The following TMEM196 variants were observed in gnomAD, a reference collection of about 807,000 sequenced individuals.
TMEM196 encodes transmembrane protein 196.
Under a neutral mutation model 20.0 loss-of-function variants are expected in TMEM196, and 17 were observed. The observed-to-expected ratio is 0.85, with a 90% CI of 0.58 to 1.27. The LOEUF is 1.27. TMEM196 is among the 50% of genes most tolerant of loss of function. TMEM196 has a pLI of 0.00. For synonymous variants in TMEM196, 113 were observed against 88.9 expected, an observed-to-expected ratio of 1.27 and a Z score of -1.52; for missense variants, 267 against 223.0, an observed-to-expected ratio of 1.20 and a Z score of -1.26.
Position 19,724,294 on chromosome 7 carries a change from T to C in TMEM196, c.519A>G (p.Pro173=). Residue 173 remains proline, a synonymous_variant, in exon 4 of 5, where the codon CCA becomes CCG. Coordinates refer to ENST00000405844, the MANE Select transcript of TMEM196 (RefSeq NM_001363562.2). ...AATCAGCGTACCTTGTAGGTAACTC[T>C]GGTGTCGGGGGCACCACCGGGCAGC... ...LPSCPVVPPT[P]ELPTRK 1 of 1,550,432 alleles carries C rather than the reference T, an allele frequency of 6.4e-7. No individual in the cohort carries two copies. Among genetic ancestry groups the C allele is most frequent in the Non-Finnish European group, 8.7e-7 (1 of 1,146,860 alleles).
chr7:19,732,152 C>G (rs1300097569), intron 1 of TMEM196, among the ~76,000 whole-genome samples: 1 of 152,076 alleles, frequency 6.6e-6, no homozygotes, highest in African/African-American at 2.4e-5. Flanking sequence ...TTAATTAATC[C>G]CTCGAAGTTT....
At chr7:19,733,509 G>A (rs1276741664) in intron 1 of TMEM196, among the ~76,000 whole-genome samples, 2 of 152,146 alleles carry the variant, frequency 1.3e-5, no homozygotes, top group Non-Finnish European at 2.9e-5. Flanking sequence ...TGTTGAGGGA[G>A]GTGTAAAGCC....
intron 4 of TMEM196, among the ~76,000 whole-genome samples, chr7:19,723,172 A>T (rs1409135042): frequency 6.6e-6 from 1 of 152,166 alleles, no homozygotes; most frequent in Non-Finnish European, 1.5e-5. Context: ...AAAATATATT[A>T]GGGTTATGTG....
At chr7:19,772,521 G>A (rs1329583282) in intron 1 of TMEM196, 29 bp downstream of exon 1, 5 of 1,514,742 alleles carry the variant, frequency 3.3e-6, no homozygotes, top group Non-Finnish European at 4.4e-6. Context: ...GAGTGAAATG[G>A]CTCAACGTAC....
chr7:19,728,283 T>C (rs1231528701), intron 2 of TMEM196, among the ~76,000 whole-genome samples: 2 of 152,240 alleles, frequency 1.3e-5, no homozygotes, highest in East Asian at 1.9e-4. Flanking sequence ...TGTTCCTACA[T>C]AGTCATAAAG....
At chr7:19,734,375 C>T (rs746402284) in intron 1 of TMEM196, among the ~76,000 whole-genome samples, 4 of 152,192 alleles carry the variant, frequency 2.6e-5, no homozygotes, top group Non-Finnish European at 4.4e-5. Context: ...AATTATGGCC[C>T]TCCAAATATG....
At chr7:19,759,386 C>T (rs1211863071) in intron 1 of TMEM196, among the ~76,000 whole-genome samples, 1 of 152,122 alleles carries the variant, frequency 6.6e-6, no homozygotes, top group Non-Finnish European at 1.5e-5. Context: ...TCATTTCTAT[C>T]CATTCTCTAA....
rs57276805 is a variant in TMEM196, at chr7:19,748,263, C to CAAAAAA, written c.148-18831_148-18826dup. ...TTCAGAGATGTTCACTGTGGCTGTC[C>CAAAAAA]AAAAAAAAAAAAAAAAAAAAAAAAA... is the stretch of plus-strand genomic sequence containing the variant. On this transcript the variant is annotated intron_variant, in intron 1 of 4. Coordinates refer to ENST00000405844, the MANE Select transcript of TMEM196 (RefSeq NM_001363562.2). 4.3e-3 allele frequency among the ~76,000 whole-genome samples: 89 copies of CAAAAAA among 20,780 alleles called. 16 individuals carry two copies. Among genetic ancestry groups the CAAAAAA allele is most frequent in the Non-Finnish European group, 5.3e-3 (57 of 10,826 alleles). 13.6% of individuals were successfully genotyped at this position (20,780 alleles called of 152,430 possible). A position where few individuals can be genotyped will look rare whatever the true frequency, so the allele number is the denominator to read the frequency against.
chr7:19,754,739 A>G (rs1785133785), intron 1 of TMEM196, among the ~76,000 whole-genome samples: 1 of 152,160 alleles, frequency 6.6e-6, no homozygotes, highest in African/African-American at 2.4e-5. Context: ...TTTGTTATTT[A>G]TTTACCTTAA....
intron 2 of TMEM196, among the ~76,000 whole-genome samples, chr7:19,726,884 C>T (rs1414255294): frequency 1.3e-5 from 2 of 152,010 alleles, no homozygotes; most frequent in Non-Finnish European, 2.9e-5. Flanking sequence ...ATTCCAGTCA[C>T]CTCTCTTGTC....
intron 1 of TMEM196, among the ~76,000 whole-genome samples, chr7:19,755,533 GT>G (rs1785175381): frequency 6.6e-6 from 1 of 152,106 alleles, no homozygotes. Flanking sequence ...GATTTTACTA[GT>G]AAAAAAATAA....
chr7:19,724,471 G>C (rs1783921752), intron 3 of TMEM196, 118 bp from the exon 4 acceptor site: 7 of 861,956 alleles, frequency 8.1e-6, no homozygotes, highest in Non-Finnish European at 1.3e-5. Context: ...ATATAAAATG[G>C]TCATCTATTT....
chr7:19,752,064 A>C, intron 1 of TMEM196, among the ~76,000 whole-genome samples: 1 of 152,184 alleles, frequency 6.6e-6, no homozygotes, highest in South Asian at 2.1e-4. Context: ...TCTGAATGTC[A>C]TGTTTTAAAG....
intron 1 of TMEM196, among the ~76,000 whole-genome samples, chr7:19,730,205 A>G (rs952540261): frequency 1.3e-5 from 2 of 151,904 alleles, no homozygotes; most frequent in Admixed American, 6.6e-5. Context: ...GCAGTGAGCC[A>G]AGATCGCGCC....
At chr7:19,764,990 A>G (rs551324742) in intron 1 of TMEM196, among the ~76,000 whole-genome samples, 8 of 152,290 alleles carry the variant, frequency 5.3e-5, no homozygotes, top group African/African-American at 1.9e-4. Flanking sequence ...CTTTGAAACA[A>G]TATTGCTCTG....
At chr7:19,758,938 C>A (rs1220380143) in intron 1 of TMEM196, among the ~76,000 whole-genome samples, 1 of 152,204 alleles carries the variant, frequency 6.6e-6, no homozygotes, top group Admixed American at 6.5e-5. Flanking sequence ...ATAAAAAAAA[C>A]TCCCCCTTTA....
chr7:19,758,592 A>G (rs1466459986), intron 1 of TMEM196, among the ~76,000 whole-genome samples: 1 of 152,338 alleles, frequency 6.6e-6, no homozygotes, highest in Middle Eastern at 3.4e-3. Context: ...ACTTTAGTTT[A>G]CTTATTTGTG....
intron 1 of TMEM196, among the ~76,000 whole-genome samples, chr7:19,754,047 G>C (rs1785101485): frequency 1.3e-5 from 2 of 152,134 alleles, no homozygotes; most frequent in South Asian, 4.1e-4. Flanking sequence ...TTGAGTAGGA[G>C]GTAGTGTAGC....
chr7:19,730,864 T>G (rs1226460954), intron 1 of TMEM196, among the ~76,000 whole-genome samples: 8 of 152,186 alleles, frequency 5.3e-5, no homozygotes, highest in Non-Finnish European at 1.2e-4. Context: ...AAGAATTTGG[T>G]ATATAATTTA....
Sources: allele counts gnomAD v4.1 joint callset (sites outside exome capture counted in the v4.1 genomes callset), GRCh38; gene constraint gnomAD v4.1.1; transcripts MANE v1.5; gene names NCBI Gene and HGNC (gene_info 2026-07-23, HGNC 2026-07-21).